ARK2C: variants seen among roughly 807,000 people sequenced by gnomAD.
ARK2C encodes arkadia (RNF111) C-terminal like ring finger ubiquitin ligase 2C.
the ARK2C span, among the ~76,000 whole-genome samples, chr18:46,401,666 G>A: frequency 3.3e-5 from 5 of 152,194 alleles, no homozygotes; most frequent in Non-Finnish European, 5.9e-5. Context: ...ACAAATTTCA[G>A]CATGCTTCAG....
At chr18:46,355,526 C>T in the ARK2C span, among the ~76,000 whole-genome samples, 1 of 152,232 alleles carries the variant, frequency 6.6e-6, no homozygotes. Flanking sequence ...CACTGACTTT[C>T]TCAATGTTCC....
At chr18:46,371,851 T>C in the ARK2C span, among the ~76,000 whole-genome samples, 1 of 152,240 alleles carries the variant, frequency 6.6e-6, no homozygotes, top group African/African-American at 2.4e-5. Context: ...TCTATTGTAC[T>C]GCAGCATCCT....
the ARK2C span, chr18:46,337,376 T>C: frequency 1.0e-6 from 1 of 985,330 alleles, no homozygotes; most frequent in African/African-American, 1.7e-5. Flanking sequence ...TTTCACCTTT[T>C]CTTGTACTAA....
At chr18:46,392,727 G>T in the ARK2C span, among the ~76,000 whole-genome samples, 3 of 152,184 alleles carry the variant, frequency 2.0e-5, no homozygotes, top group Non-Finnish European at 1.5e-5. Context: ...GGGTGCCAGA[G>T]CCCTTGATTC....
chr18:46,345,110 T>G, the ARK2C span, among the ~76,000 whole-genome samples: 2 of 152,120 alleles, frequency 1.3e-5, no homozygotes, highest in African/African-American at 2.4e-5. Context: ...GATGCAGGGG[T>G]GCCTGCGATG....
the ARK2C span, among the ~76,000 whole-genome samples, chr18:46,449,008 G>A: frequency 6.6e-6 from 1 of 152,086 alleles, no homozygotes; most frequent in Non-Finnish European, 1.5e-5. Context: ...TGTGTATGAA[G>A]CACCATCTCT....
the ARK2C span, among the ~76,000 whole-genome samples, chr18:46,365,567 G>A: frequency 3.9e-5 from 6 of 152,122 alleles, no homozygotes; most frequent in Non-Finnish European, 8.8e-5. Context: ...GCAATGGTGC[G>A]ATCTTGGCTC....
chr18:46,347,388 C>A, the ARK2C span, among the ~76,000 whole-genome samples: 2 of 152,232 alleles, frequency 1.3e-5, no homozygotes, highest in Non-Finnish European at 2.9e-5. Flanking sequence ...TCTCTGCCTC[C>A]TCTCCTGCCC....
the ARK2C span, among the ~76,000 whole-genome samples, chr18:46,358,207 T>G: frequency 2.0e-5 from 3 of 152,070 alleles, no homozygotes; most frequent in Non-Finnish European, 4.4e-5. Context: ...GGACCCCCTG[T>G]GAGGGCTGCA....
chr18:46,375,220 A>G, the ARK2C span, among the ~76,000 whole-genome samples: 1 of 152,132 alleles, frequency 6.6e-6, no homozygotes, highest in Non-Finnish European at 1.5e-5. Context: ...GGCCGCATCT[A>G]TATATTGACT....
chr18:46,447,437 A>G, the ARK2C span: 860 of 994,350 alleles, frequency 8.6e-4, 1 homozygote, highest in Non-Finnish European at 1.2e-3. Flanking sequence ...TGGGAGATGT[A>G]AAGTTCCTTG....
At chr18:46,372,259 GC>G in the ARK2C span, among the ~76,000 whole-genome samples, 18,303 of 152,164 alleles carry the variant, frequency 0.12, 1,375 homozygotes, top group South Asian at 0.21. Context: ...TCTGGAGAGA[GC>G]CCAGTTTGAG....
At chr18:46,334,436 C>G in the ARK2C span, 2 of 1,004,752 alleles carry the variant, frequency 2.0e-6, no homozygotes, top group Non-Finnish European at 2.7e-6. The surrounding 1 kb of genome is among the most constrained non-coding windows in gnomAD (Gnocchi z 4.4). Flanking sequence ...AGGGCACACC[C>G]GCGAGGACGC....
the ARK2C span, among the ~76,000 whole-genome samples, chr18:46,389,169 C>A: frequency 6.6e-6 from 1 of 151,974 alleles, no homozygotes; most frequent in Non-Finnish European, 1.5e-5. Context: ...GTGAGGACCA[C>A]AAGGAAACAG....
chr18:46,452,394 G>A, the ARK2C span, among the ~76,000 whole-genome samples: 2 of 151,982 alleles, frequency 1.3e-5, no homozygotes, highest in African/African-American at 2.4e-5. Flanking sequence ...ATTCTCCCAC[G>A]TCAGCCTCCC....
At chr18:46,458,108 G>C in the ARK2C span, 1 of 152,372 alleles carries the variant, frequency 6.6e-6, no homozygotes, top group Non-Finnish European at 1.5e-5. Flanking sequence ...TAGATGTTGT[G>C]AGGATTCATA....
the ARK2C span, among the ~76,000 whole-genome samples, chr18:46,408,338 G>A: frequency 6.6e-6 from 1 of 152,232 alleles, no homozygotes; most frequent in African/African-American, 2.4e-5. Context: ...TCATCTCTTG[G>A]TCCCACCTCC....
chr18:46,426,470 A>G, the ARK2C span, among the ~76,000 whole-genome samples: 2 of 152,210 alleles, frequency 1.3e-5, no homozygotes, highest in Non-Finnish European at 2.9e-5. Flanking sequence ...AGTGTGTACC[A>G]TGTGTGCCAG....
the ARK2C span, among the ~76,000 whole-genome samples, chr18:46,351,428 A>G: frequency 6.6e-6 from 1 of 152,182 alleles, no homozygotes; most frequent in Non-Finnish European, 1.5e-5. Flanking sequence ...AGAGCTGGCA[A>G]ATAATAGACC....
Sources: allele counts gnomAD v4.1 joint callset (sites outside exome capture counted in the v4.1 genomes callset), GRCh38; gene constraint gnomAD v4.1.1; non-coding constraint Gnocchi (gnomAD v3.1); transcripts MANE v1.5; gene names NCBI Gene and HGNC (gene_info 2026-07-23, HGNC 2026-07-21).